Variants in XKR4 observed in about 807,000 individuals in gnomAD.
The protein encoded by XKR4 is XK-related protein 4.
In XKR4, 12 loss-of-function variants were observed where a neutral mutation model predicts 53.9. The ratio of observed to expected loss-of-function variants is 0.22; its 90% CI spans 0.14 to 0.36. The LOEUF is 0.36. Among genes scored for constraint, XKR4 ranks in the 10% least tolerant of loss-of-function variants. The pLI, the probability that XKR4 is intolerant of heterozygous loss-of-function variation, is 1.00. For synonymous variants in XKR4, 354 were observed against 362.4 expected (o/e 0.98, Z 0.26); for missense variants, 799 against 859.5 (o/e 0.93, Z 0.88).
At chr8:55,310,304 GT>G (rs564136737) in intron 1 of XKR4, among the ~76,000 whole-genome samples, 12 of 152,184 alleles carry the variant, frequency 7.9e-5, no homozygotes, top group Non-Finnish European at 1.6e-4. Flanking sequence ...AGACTTCCAA[GT>G]GCGTGACCTT....
At chr8:55,286,299 G>A (rs750802155) in intron 1 of XKR4, among the ~76,000 whole-genome samples, 16 of 152,196 alleles carry the variant, frequency 1.1e-4, no homozygotes, top group Non-Finnish European at 2.1e-4. Flanking sequence ...GAAATGTGGA[G>A]TTTATGAAAA....
Position 55,234,772 on chromosome 8 carries a change from C to T in XKR4, c.807-122906C>T, listed in dbSNP as rs150942047. ...CATCATCAAGAATACAATAATCAAACGCATTAAAGACACACAGTGAAAACC... is the reference window on the plus strand; with the variant it reads ...CATCATCAAGAATACAATAATCAAATGCATTAAAGACACACAGTGAAAACC... On this transcript the variant is annotated intron_variant, in intron 1 of 2. Transcript: ENST00000327381. 5.9e-3 allele frequency among the ~76,000 whole-genome samples: 895 copies of T among 152,206 alleles called. 9 individuals are homozygous for T. Among genetic ancestry groups the T allele is most frequent in the African/African-American group, 0.021 (859 of 41,514 alleles).
At chr8:55,483,231 C>A (rs1451001068) in intron 2 of XKR4, among the ~76,000 whole-genome samples, 1 of 152,070 alleles carries the variant, frequency 6.6e-6, no homozygotes, top group Non-Finnish European at 1.5e-5. Context: ...TATTATATTT[C>A]TATAATTTCA....
chr8:55,304,021 A>G (rs1334627022), intron 1 of XKR4, among the ~76,000 whole-genome samples: 5 of 151,512 alleles, frequency 3.3e-5, no homozygotes, highest in Non-Finnish European at 7.4e-5. Flanking sequence ...GATCTTAGTT[A>G]TTTCTTGCCT....
At position 55,103,199 on chromosome 8, in the gene XKR4, C is replaced by T. The variant is rs757384647; in HGVS notation, c.711C>T (p.Thr237=). The change falls in exon 1 of 3, where the codon ACC becomes ACT. Residue 237 remains threonine (T), a synonymous_variant. Transcript: ENST00000327381. ...ANSGSNSSGA[T]RASGKHRSAS... is the part of the protein sequence containing the mutation. ...GCGGCAGCAACAGCAGCGGGGCTAC[C>T]CGGGCCAGTGGCAAGCACAGGTCTG... 1.9e-6 allele frequency: 3 copies of T among 1,614,096 alleles called. No individual in the cohort carries two copies. Among genetic ancestry groups the T allele is most frequent in the Admixed American group, 3.3e-5 (2 of 60,034 alleles).
chr8:55,236,914 C>T (rs1380901730), intron 1 of XKR4, among the ~76,000 whole-genome samples: 2 of 152,210 alleles, frequency 1.3e-5, no homozygotes, highest in African/African-American at 4.8e-5. Flanking sequence ...AGTCACTATT[C>T]CTACCATCTC....
chr8:55,350,424 G>A (rs1405282300), intron 1 of XKR4, among the ~76,000 whole-genome samples: 1 of 152,082 alleles, frequency 6.6e-6, no homozygotes, highest in Non-Finnish European at 1.5e-5. Flanking sequence ...TTGTATGGAG[G>A]TCTTTCCTCC....
At position 55,454,326 on chromosome 8, in the gene XKR4, G is replaced by C. The variant is rs538677352; in HGVS notation, c.1007-68955G>C. On this transcript the variant is annotated intron_variant, in intron 2 of 2. Transcript: ENST00000327381. ...TTGACCCCGATTATGAAGGGCGTGG[G>C]TGTGCTGAGGGCCTCCAGCAGCTGG... 4.0e-6 allele frequency: 6 copies of C among 1,498,404 alleles called. No individual in the cohort carries two copies. In the South Asian group the frequency reaches 6.8e-5, roughly 17 times the overall value. 92.8% of individuals were successfully genotyped at this position (1,498,404 alleles called of 1,614,324 possible). A position where few individuals can be genotyped will look rare whatever the true frequency, so the allele number is the denominator to read the frequency against.
intron 2 of XKR4, among the ~76,000 whole-genome samples, chr8:55,463,738 TA>T (rs1699238560): frequency 6.6e-6 from 1 of 151,420 alleles, no homozygotes; most frequent in African/African-American, 2.4e-5. Context: ...GCAAGACTAA[TA>T]AAGAAGAAAA....
intron 1 of XKR4, among the ~76,000 whole-genome samples, chr8:55,156,685 A>G (rs1322207361): frequency 6.6e-6 from 1 of 152,218 alleles, no homozygotes; most frequent in Non-Finnish European, 1.5e-5. Context: ...GTCTCTTAAT[A>G]CTATTTCATT....
At chr8:55,221,117 A>G (rs932957635) in intron 1 of XKR4, among the ~76,000 whole-genome samples, 1 of 152,322 alleles carries the variant, frequency 6.6e-6, no homozygotes. Flanking sequence ...AGAATTTGCA[A>G]GGCTGGCCGG....
chr8:55,450,094 C>A, intron 2 of XKR4: 1 of 716,286 alleles, frequency 1.4e-6, no homozygotes, highest in Non-Finnish European at 2.6e-6. Flanking sequence ...CACGCGGTCC[C>A]AGGTGTCCTT....
chr8:55,513,237 G>A (rs1049395817), intron 2 of XKR4, among the ~76,000 whole-genome samples: 2 of 152,154 alleles, frequency 1.3e-5, no homozygotes, highest in Admixed American at 1.3e-4. Flanking sequence ...CTCTCCCAGG[G>A]ATGCACTCAT....
intron 2 of XKR4, among the ~76,000 whole-genome samples, chr8:55,366,695 C>A (rs973278833): frequency 6.6e-6 from 1 of 152,136 alleles, no homozygotes; most frequent in Non-Finnish European, 1.5e-5. Context: ...ATTTTCTCAC[C>A]CATATGTCCT....
intron 1 of XKR4, among the ~76,000 whole-genome samples, chr8:55,125,352 G>A (rs111764296): frequency 0.033 from 4,927 of 151,466 alleles, 253 homozygotes; most frequent in African/African-American, 0.11. Context: ...CTCCTGCCTC[G>A]GCCTCCCGAG....
At chr8:55,161,704 C>A in intron 1 of XKR4, 1 of 444,402 alleles carries the variant, frequency 2.3e-6, no homozygotes, top group Non-Finnish European at 4.5e-6. Flanking sequence ...GGTCACTGAG[C>A]AATTCCTCCA....
chr8:55,457,159 T>C (rs899750138), intron 2 of XKR4, among the ~76,000 whole-genome samples: 3 of 150,800 alleles, frequency 2.0e-5, no homozygotes, highest in Non-Finnish European at 3.0e-5. Flanking sequence ...TTTTTTTTTT[T>C]TGAGACTGAG....
At chr8:55,330,495 A>G (rs1803367532) in intron 1 of XKR4, among the ~76,000 whole-genome samples, 1 of 152,138 alleles carries the variant, frequency 6.6e-6, no homozygotes. Context: ...TGGAAAAAAC[A>G]TGCTGTTTTA....
chr8:55,426,202 CTT>C (rs1190173691), intron 2 of XKR4, among the ~76,000 whole-genome samples: 1 of 152,222 alleles, frequency 6.6e-6, no homozygotes, highest in Non-Finnish European at 1.5e-5. Flanking sequence ...ACTTTTCAAA[CTT>C]AGATATGGAC....
Sources: gnomAD v4.1 joint callset for allele counts (sites outside exome capture counted in the v4.1 genomes callset) on GRCh38, gnomAD v4.1.1 for gene constraint, MANE v1.5 for transcripts, NCBI Gene and HGNC (gene_info 2026-07-23, HGNC 2026-07-21) for gene names.